Variants in EEPD1 observed in about 807,000 individuals in gnomAD.
EEPD1 encodes the protein endonuclease/exonuclease/phosphatase family domain containing 1, also known as endonuclease/exonuclease/phosphatase family domain-containing protein 1.
EEPD1 carries 17 observed loss-of-function variants against 46.3 expected under a neutral mutation model. The observed-to-expected ratio is 0.37, with a 90% CI of 0.25 to 0.55. The LOEUF is 0.55. Among genes scored for constraint, EEPD1 ranks in the 20% least tolerant of loss-of-function variants. The pLI is 0.83. For synonymous variants in EEPD1, 313 were observed against 315.6 expected (o/e 0.99, Z 0.09); for missense variants, 673 against 745.6 (o/e 0.90, Z 1.13).
chr7:36,283,583 C>T (rs538919972), intron 4 of EEPD1, among the ~76,000 whole-genome samples: 7 of 152,266 alleles, frequency 4.6e-5, no homozygotes, highest in Admixed American at 2.0e-4. Flanking sequence ...CAGGGTCCCG[C>T]GGCTAAGTGA....
intron 3 of EEPD1, among the ~76,000 whole-genome samples, chr7:36,258,926 C>T (rs926180529): frequency 2.0e-5 from 3 of 151,080 alleles, no homozygotes; most frequent in African/African-American, 4.9e-5. Context: ...TCAGTGTCTG[C>T]CCAAACGGCC....
chr7:36,193,760 G>A lies in EEPD1; in HGVS notation c.878+38558G>A, dbSNP rs915925618. 2.0e-5 allele frequency among the ~76,000 whole-genome samples: 3 copies of A among 152,168 alleles called. No individual in the cohort carries two copies. Among genetic ancestry groups the A allele is most frequent in the Non-Finnish European group, 4.4e-5 (3 of 68,024 alleles). On this transcript the variant is annotated intron_variant, in intron 2 of 7. Transcript: ENST00000242108. The surrounding 1 kb of genome is among the most constrained non-coding windows in gnomAD (Gnocchi z 4.9). ...TCAGAAACCCAGGCCGTCAGGTCCC[G>A]TGGTCAGCAGGTGGCCAGCGGCAGA...
intron 2 of EEPD1, among the ~76,000 whole-genome samples, chr7:36,187,229 A>C (rs919819216): frequency 1.3e-5 from 2 of 152,184 alleles, no homozygotes; most frequent in Non-Finnish European, 2.9e-5. Flanking sequence ...TTTTATTTAA[A>C]ATATTTTTAA....
chr7:36,277,640 A>T (rs1369956300), intron 3 of EEPD1, among the ~76,000 whole-genome samples: 1 of 152,206 alleles, frequency 6.6e-6, no homozygotes, highest in Admixed American at 6.5e-5. Context: ...GTTAGTGCAG[A>T]TAGCTAAGTT....
intron 2 of EEPD1, among the ~76,000 whole-genome samples, chr7:36,235,621 C>T (rs901550277): frequency 5.3e-5 from 8 of 152,258 alleles, no homozygotes; most frequent in Admixed American, 1.3e-4. Flanking sequence ...AATCATGGAT[C>T]CTTGGTCACC....
intron 2 of EEPD1, among the ~76,000 whole-genome samples, chr7:36,172,061 T>C (rs912773112): frequency 9.2e-5 from 14 of 152,254 alleles, no homozygotes; most frequent in African/African-American, 3.1e-4. Context: ...CTCTGTCTTG[T>C]CAGTGTATTT....
rs1035649911 is a variant in EEPD1, at chr7:36,153,652, G to T, written c.-215G>T. The T allele has an allele frequency of 6.6e-6, 1 of 152,604 alleles. No homozygotes were observed. The highest frequency in any genetic ancestry group is 6.5e-5 in the Admixed American group (1 of 15,298). 9.5% of individuals were successfully genotyped at this position (152,604 alleles called of 1,614,324 possible). A position where few individuals can be genotyped will look rare whatever the true frequency, so the allele number is the denominator to read the frequency against. ...CGAGCCGCAGGTGGAAGAGGAACCG[G>T]CGCCCCGCAGAGCGGCCGAGAGGTG... On this transcript the variant is annotated 5_prime_UTR_variant, in exon 1 of 8. Coordinates refer to ENST00000242108, the MANE Select transcript of EEPD1 (RefSeq NM_030636.3).
intron 3 of EEPD1, among the ~76,000 whole-genome samples, chr7:36,240,148 G>A (rs769492277): frequency 5.9e-5 from 9 of 152,038 alleles, no homozygotes; most frequent in South Asian, 2.1e-4. Flanking sequence ...GCACACCTGC[G>A]GTCCCAATTC....
intron 2 of EEPD1, among the ~76,000 whole-genome samples, chr7:36,157,256 C>T (rs190951189): frequency 1.3e-5 from 2 of 152,176 alleles, no homozygotes; most frequent in East Asian, 3.9e-4. Context: ...TTTTATTTTC[C>T]CCTTTGATTG....
intron 3 of EEPD1, among the ~76,000 whole-genome samples, chr7:36,272,535 C>A (rs1200836884): frequency 7.1e-6 from 1 of 140,120 alleles, no homozygotes; most frequent in Non-Finnish European, 1.5e-5. Flanking sequence ...GCTCCCTTCG[C>A]TTATTTGTAA....
At chr7:36,206,002 C>T (rs1028474813) in intron 2 of EEPD1, among the ~76,000 whole-genome samples, 5 of 152,306 alleles carry the variant, frequency 3.3e-5, no homozygotes, top group South Asian at 2.1e-4. Context: ...ATTCACACAC[C>T]GGCCCTGTGT....
intron 3 of EEPD1, among the ~76,000 whole-genome samples, chr7:36,244,298 T>G (rs1428426566): frequency 6.6e-6 from 1 of 152,166 alleles, no homozygotes; most frequent in African/African-American, 2.4e-5. Context: ...AGATGGAAGC[T>G]ATTCTAAAGG....
chr7:36,289,668 G>A (rs968558522), intron 6 of EEPD1, among the ~76,000 whole-genome samples: 5 of 152,156 alleles, frequency 3.3e-5, no homozygotes, highest in African/African-American at 1.2e-4. Context: ...CTAATTTTTT[G>A]TATTTTTAGT....
chr7:36,231,710 A>G (rs892370354), intron 2 of EEPD1, among the ~76,000 whole-genome samples: 1 of 152,222 alleles, frequency 6.6e-6, no homozygotes, highest in African/African-American at 2.4e-5. Flanking sequence ...TTGCAGAATC[A>G]GCAGAAGAAA....
At chr7:36,175,102 C>T (rs535497604) in intron 2 of EEPD1, among the ~76,000 whole-genome samples, 1 of 152,302 alleles carries the variant, frequency 6.6e-6, no homozygotes, top group South Asian at 2.1e-4. Flanking sequence ...CTTTGACTGG[C>T]AAAAACTCAG....
At chr7:36,212,790 A>G (rs912870514) in intron 2 of EEPD1, among the ~76,000 whole-genome samples, 5 of 152,128 alleles carry the variant, frequency 3.3e-5, no homozygotes, top group African/African-American at 7.2e-5. Flanking sequence ...TAAATTTATT[A>G]TTTGTATTTT....
rs542991172 is a variant in EEPD1, at chr7:36,170,613, C to G, written c.878+15411C>G. Among the ~76,000 whole-genome samples the G allele has an allele frequency of 2.2e-5, 3 of 136,084 alleles. No homozygotes were observed. In the South Asian group the frequency reaches 7.4e-4, roughly 34 times the overall value. 89.3% of individuals were successfully genotyped at this position (136,084 alleles called of 152,430 possible). On this transcript the variant is annotated intron_variant, in intron 2 of 7. Coordinates refer to ENST00000242108, the MANE Select transcript of EEPD1 (RefSeq NM_030636.3). ...CTCCCCTCAAGAAAGATTAAATTAT[C>G]TTTTTTTCTTCTTCCCCCTCCCATA...
At chr7:36,248,994 A>ACACACACACACAC (rs1786687369) in intron 3 of EEPD1, among the ~76,000 whole-genome samples, 1 of 135,350 alleles carries the variant, frequency 7.4e-6, no homozygotes, top group Non-Finnish European at 1.6e-5. Flanking sequence ...TGGTTCATTA[A>ACACACACACACAC]ACACACACAC....
chr7:36,221,854 C>G (rs1374849835), intron 2 of EEPD1, among the ~76,000 whole-genome samples: 1 of 152,142 alleles, frequency 6.6e-6, no homozygotes, highest in African/African-American at 2.4e-5. Flanking sequence ...CCTGATTTTA[C>G]AGATGAGAAA....
Sources: gnomAD v4.1 joint callset for allele counts (sites outside exome capture counted in the v4.1 genomes callset) on GRCh38, gnomAD v4.1.1 for gene constraint, Gnocchi (gnomAD v3.1) non-coding constraint, MANE v1.5 for transcripts, NCBI Gene and HGNC (gene_info 2026-07-23, HGNC 2026-07-21) for gene names.